The following CACNA1B variants were observed in gnomAD, a reference collection of about 807,000 sequenced individuals.
CACNA1B encodes voltage-dependent N-type calcium channel subunit alpha-1B.
CACNA1B carries 70 observed loss-of-function variants against 247.2 expected under a neutral mutation model. The observed-to-expected ratio is 0.28, with a 90% CI of 0.23 to 0.35. The LOEUF (loss-of-function observed/expected upper bound fraction) is 0.35, where lower values mean the gene tolerates loss of function less well. Among genes scored for constraint, CACNA1B ranks in the 10% least tolerant of loss-of-function variants. The probability of loss-of-function intolerance (pLI) is 1.00; values close to 1 mark genes in which losing one functional copy is unlikely to be tolerated. For synonymous variants in CACNA1B, 1,231 were observed against 1,294.4 expected, an observed-to-expected ratio of 0.95 and a Z score of 1.05; for missense variants, 2,367 against 3,197.4, an observed-to-expected ratio of 0.74 and a Z score of 6.26.
At chr9:138,070,443 C>G (rs1005593378) in intron 32 of CACNA1B, among the ~76,000 whole-genome samples, 2 of 152,240 alleles carry the variant, frequency 1.3e-5, no homozygotes, top group African/African-American at 4.8e-5. Flanking sequence ...TGTATGTGCT[C>G]GGTCAGCAAG....
At chr9:137,920,087 G>A (rs1957460586) in intron 6 of CACNA1B, among the ~76,000 whole-genome samples, 1 of 152,172 alleles carries the variant, frequency 6.6e-6, no homozygotes, top group Admixed American at 6.5e-5. Flanking sequence ...AAGAGGGGCC[G>A]TGTCTTTCTC....
rs879572800 is a variant in CACNA1B at position 137,880,772 on chromosome 9, G to A, written c.390+1613G>A. 3.9e-5 allele frequency among the ~76,000 whole-genome samples: 6 copies of A among 152,204 alleles called. No individual in the cohort carries two copies. The highest frequency in any genetic ancestry group is 6.5e-5 in the Admixed American group (1 of 15,288). On this transcript the variant is annotated intron_variant, in intron 2 of 46. Coordinates refer to ENST00000371372, the MANE Select transcript of CACNA1B (RefSeq NM_000718.4). The surrounding 1 kb of genome is among the most constrained non-coding windows in gnomAD (Gnocchi z 4.8). ...AGCCATTGATGTCCCCTGGGATGGA[G>A]GGGAGGCTGTGCTGCTGCCCACAGA...
rs1957203473 is a variant in CACNA1B at position 137,899,073 on chromosome 9, T to C, written c.531-14107T>C. Among the ~76,000 whole-genome samples, 1 of 151,772 alleles carries C rather than the reference T, an allele frequency of 6.6e-6. No homozygotes were observed. The highest frequency in any genetic ancestry group is 1.5e-5 in the Non-Finnish European group (1 of 67,922). On this transcript the variant is annotated intron_variant, in intron 3 of 46. Transcript: ENST00000371372. The surrounding 1 kb of genome is among the most constrained non-coding windows in gnomAD (Gnocchi z 5.0). ...AGGTGTGAGCCACCCTGCCTGGCCT[T>C]CTTTTTTCTCTCTTTCTTTCTTTTT...
chr9:137,980,679 A>G (rs1380747384), intron 12 of CACNA1B, among the ~76,000 whole-genome samples: 1 of 152,046 alleles, frequency 6.6e-6, no homozygotes. Context: ...TCCTCCCTCT[A>G]GTACTCCCCA....
chr9:137,907,823 G>A (rs142814843), intron 3 of CACNA1B, among the ~76,000 whole-genome samples: 8 of 152,258 alleles, frequency 5.3e-5, no homozygotes, highest in Non-Finnish European at 8.8e-5. Context: ...CAGCTTTAGA[G>A]TTTGCTTTCC....
Position 137,914,667 on chromosome 9 carries a change from G to A in CACNA1B, c.636G>A (p.Val212=), listed in dbSNP as rs757142084. The A allele has an allele frequency of 2.5e-6, 4 of 1,613,890 alleles. No homozygotes were observed. The South Asian group carries it at 4.4e-5, about 18-fold the overall frequency. The part of the protein sequence containing the change: ...LVSGIPSLQV[V]LKSIMKAMVP... Reference sequence around the variant, plus strand: ...TTCTGGCCCCAGGTTTGCAGGTGGTGCTCAAGTCCATCATGAAGGCCATGG... The same window carrying A: ...TTCTGGCCCCAGGTTTGCAGGTGGTACTCAAGTCCATCATGAAGGCCATGG... The change falls in exon 5 of 47, where the codon GTG becomes GTA. Residue 212 remains valine, a synonymous_variant. Coordinates refer to ENST00000371372, the MANE Select transcript of CACNA1B (RefSeq NM_000718.4). This position sits in a 1 kb window ranked among gnomAD's most constrained non-coding sequence, Gnocchi z 4.3.
At chr9:138,008,171 G>T (rs971455256) in intron 16 of CACNA1B, among the ~76,000 whole-genome samples, 1 of 152,238 alleles carries the variant, frequency 6.6e-6, no homozygotes, top group African/African-American at 2.4e-5. Flanking sequence ...GGCACCGGAG[G>T]CACCAAAGAA....
chr9:138,110,294 T>C (rs988520857), intron 39 of CACNA1B, among the ~76,000 whole-genome samples: 3 of 152,066 alleles, frequency 2.0e-5, no homozygotes, highest in Non-Finnish European at 2.9e-5. Context: ...TTTGTATTTT[T>C]AGTAGAGACG....
At chr9:137,951,962 A>G (rs1262347833) in intron 6 of CACNA1B, among the ~76,000 whole-genome samples, 1 of 152,124 alleles carries the variant, frequency 6.6e-6, no homozygotes, top group East Asian at 1.9e-4. Flanking sequence ...GGGCATCCAC[A>G]CTGCTGTGGC....
chr9:138,062,362 C>G (rs925593689), intron 31 of CACNA1B, among the ~76,000 whole-genome samples: 1 of 152,158 alleles, frequency 6.6e-6, no homozygotes, highest in Non-Finnish European at 1.5e-5. Flanking sequence ...GTAGTGAATC[C>G]CCATGAAGTG....
At chr9:138,025,500 GGCACAACTCTTGATGGTT>G (rs1330269546) in intron 20 of CACNA1B, among the ~76,000 whole-genome samples, 1 of 152,164 alleles carries the variant, frequency 6.6e-6, no homozygotes, top group Non-Finnish European at 1.5e-5. Context: ...CCACAAAACA[GGCACAACTCTTGATGGTT>G]GCACAAAAGC....
chr9:137,917,981 C>G lies in CACNA1B; in HGVS notation c.966+550C>G, dbSNP rs748070035. On this transcript the variant is annotated intron_variant, in intron 6 of 46. Coordinates refer to ENST00000371372, the MANE Select transcript of CACNA1B (RefSeq NM_000718.4). This position sits in a 1 kb window ranked among gnomAD's most constrained non-coding sequence, Gnocchi z 5.5. Reference sequence around the variant, plus strand: ...CTGGGCCTCCCGTCCCCAGGCTGCCCGGCGAAGGTGGTGAACCGCGGAGCA... The same window carrying G: ...CTGGGCCTCCCGTCCCCAGGCTGCCGGGCGAAGGTGGTGAACCGCGGAGCA... Among the ~76,000 whole-genome samples the G allele has an allele frequency of 6.6e-6, 1 of 152,218 alleles. No homozygotes were observed. The highest frequency in any genetic ancestry group is 1.9e-4 in the East Asian group (1 of 5,192).
Position 137,899,560 on chromosome 9 carries a change from G to T in CACNA1B, c.531-13620G>T, listed in dbSNP as rs754906539. Among the ~76,000 whole-genome samples, 11 of 152,208 alleles carry T rather than the reference G, an allele frequency of 7.2e-5. No individual in the cohort carries two copies. Among genetic ancestry groups the T allele is most frequent in the Non-Finnish European group, 1.5e-4 (10 of 68,030 alleles). ...CTGTCCTTGCTTTGGAGCAGGCTAG[G>T]TGGCTCCCACTTCTTGGCCTGTTAG... On this transcript the variant is annotated intron_variant, in intron 3 of 46. Transcript: ENST00000371372. This position sits in a 1 kb window ranked among gnomAD's most constrained non-coding sequence, Gnocchi z 5.0.
At chr9:137,925,206 C>T (rs1013854015) in intron 6 of CACNA1B, among the ~76,000 whole-genome samples, 9 of 152,164 alleles carry the variant, frequency 5.9e-5, no homozygotes, top group Non-Finnish European at 8.8e-5. Flanking sequence ...GGGAGGGCAC[C>T]GTGAGTGGGG....
At chr9:137,937,646 T>A (rs1957683544) in intron 6 of CACNA1B, among the ~76,000 whole-genome samples, 1 of 152,022 alleles carries the variant, frequency 6.6e-6, no homozygotes, top group African/African-American at 2.4e-5. Flanking sequence ...TCATATTATC[T>A]AAAGTTAAGA....
chr9:138,024,850 T>C (rs1221712436), intron 19 of CACNA1B, 105 bp from the exon 20 acceptor site: 11 of 768,808 alleles, frequency 1.4e-5, no homozygotes, highest in Non-Finnish European at 2.2e-5. Flanking sequence ...CCCAGGCTGG[T>C]CTTGAACTCC....
At chr9:137,893,059 A>C (rs1044126182) in intron 3 of CACNA1B, among the ~76,000 whole-genome samples, 2 of 152,140 alleles carry the variant, frequency 1.3e-5, no homozygotes, top group Non-Finnish European at 2.9e-5. Context: ...GGCTCTCTCC[A>C]GGAGGGCAAA....
At chr9:137,909,424 T>A (rs1025771017) in intron 3 of CACNA1B, among the ~76,000 whole-genome samples, 4 of 152,240 alleles carry the variant, frequency 2.6e-5, no homozygotes, top group Admixed American at 2.0e-4. Flanking sequence ...CTCTTCCAGG[T>A]ACCTCATGTA....
chr9:138,006,119 C>T (rs1188355421), intron 15 of CACNA1B, among the ~76,000 whole-genome samples: 1 of 151,660 alleles, frequency 6.6e-6, no homozygotes, highest in Non-Finnish European at 1.5e-5. Context: ...AGACTTGGAT[C>T]TGTGTCAGAT....
Sources: gnomAD v4.1 joint callset for allele counts (sites outside exome capture counted in the v4.1 genomes callset) on GRCh38, gnomAD v4.1.1 for gene constraint, Gnocchi (gnomAD v3.1) non-coding constraint, MANE v1.5 for transcripts, NCBI Gene and HGNC (gene_info 2026-07-23, HGNC 2026-07-21) for gene names.